The following C20orf173 variants were observed in gnomAD, a reference collection of about 807,000 sequenced individuals.
C20orf173 encodes chromosome 20 open reading frame 173.
Under a neutral mutation model 26.7 loss-of-function variants are expected in C20orf173, and 22 were observed. The ratio of observed to expected loss-of-function variants is 0.82; its 90% CI spans 0.59 to 1.18. C20orf173 has a LOEUF of 1.18. Ranked by LOEUF, C20orf173 falls within the 50% of genes most tolerant of loss-of-function variation. C20orf173 has a pLI of 0.00. For missense variants in C20orf173, 210 were observed against 250.3 expected, an observed-to-expected ratio of 0.84 and a Z score of 1.09; for synonymous variants, 85 against 96.4, an observed-to-expected ratio of 0.88 and a Z score of 0.69.
Position 35,528,899 on chromosome 20 carries a change from G to C in C20orf173, c.310-20C>G. The C allele has an allele frequency of 6.4e-7, 1 of 1,551,346 alleles. No homozygotes were observed. The highest frequency in any genetic ancestry group is 8.7e-7 in the Non-Finnish European group (1 of 1,146,826). ...CATGCCCTGGAAACAGCAAGAGGGA[G>C]ATTGGGGGCTGGGCCCAGGGGAGAG... On this transcript the variant is annotated intron_variant, in intron 2 of 5. Transcript: ENST00000444723.
downstream of C20orf173, chr20:35,526,888 G>A (rs1423687915): frequency 1.3e-5 from 2 of 152,168 alleles, no homozygotes; most frequent in African/African-American, 2.4e-5. Context: ...ATGATCCAGG[G>A]CACTAGGCAA....
At chr20:35,528,361 T>C (rs1486195617) in intron 4 of C20orf173, 77 bp from the exon 5 acceptor site, 7 of 1,548,026 alleles carry the variant, frequency 4.5e-6, no homozygotes, top group African/African-American at 4.1e-5. Flanking sequence ...AGTAAGCCAA[T>C]AGAAGGTCTT....
chr20:35,523,569 T>C (rs1413725507), downstream of C20orf173, among the ~76,000 whole-genome samples: 1 of 152,138 alleles, frequency 6.6e-6, no homozygotes, highest in Middle Eastern at 3.2e-3. Context: ...AGGACACTTT[T>C]TGTGTTCTGT....
At chr20:35,524,949 T>C (rs1455641807), downstream of C20orf173, among the ~76,000 whole-genome samples, 1 of 151,884 alleles carries the variant, frequency 6.6e-6, no homozygotes, top group Non-Finnish European at 1.5e-5. Context: ...TCCACCCACC[T>C]TGGCCTCCCA....
chr20:35,529,120 C>G lies in C20orf173; in HGVS notation c.254G>C (p.Gly85Ala). ...WLDACSRKTMGYLMRTRESMT... is the reference protein window; with the variant it reads ...WLDACSRKTMAYLMRTRESMT... ...AGACTCTCTTGTCCTCATCAGGTACCCCATAGTCTTCCTGGAGCACGCATC... is the reference window on the plus strand; with the variant it reads ...AGACTCTCTTGTCCTCATCAGGTACGCCATAGTCTTCCTGGAGCACGCATC... The change falls in exon 2 of 6, where the codon GGG (glycine) becomes GCG (alanine). Residue 85 changes from glycine (G) to alanine (A), a missense_variant. Gly to Ala is a moderately conservative substitution (Grantham distance 60). Coordinates refer to ENST00000444723, the MANE Select transcript of C20orf173 (RefSeq NM_001145350.2). 1.9e-6 allele frequency: 3 copies of G among 1,551,658 alleles called. No homozygotes were observed. The South Asian group carries it at 3.6e-5, about 18-fold the overall frequency.
At chr20:35,525,919 T>C (rs919661336), downstream of C20orf173, among the ~76,000 whole-genome samples, 1 of 152,210 alleles carries the variant, frequency 6.6e-6, no homozygotes, top group Non-Finnish European at 1.5e-5. Flanking sequence ...GCAGTCCTCC[T>C]GCCTCAGCCT....
intron 5 of C20orf173, among the ~76,000 whole-genome samples, chr20:35,527,495 A>C (rs1455836535): frequency 6.6e-6 from 1 of 152,206 alleles, no homozygotes; most frequent in Admixed American, 6.5e-5. Flanking sequence ...ACGTAAGAGA[A>C]GGGCATTCCA....
Position 35,529,267 on chromosome 20 carries a change from C to T in C20orf173, c.107G>A (p.Arg36Gln), listed in dbSNP as rs749188421. The stretch of plus-strand genomic sequence containing the variant: ...GCAATGCTGTGGTACCAAGTACATT[C>T]GTTTTTCCTGGGGTGCTGATTCAGG... ...LTPESAPQEK[R>Q]MYLVPQHCDC... Residue 36 changes from arginine (R) to glutamine (Q), a missense_variant, in exon 2 of 6, where the codon CGA (arginine) becomes CAA (glutamine). Arg to Gln is a conservative substitution (Grantham distance 43). Coordinates refer to ENST00000444723, the MANE Select transcript of C20orf173 (RefSeq NM_001145350.2). The T allele has an allele frequency of 2.4e-5, 38 of 1,551,548 alleles. No homozygotes were observed. In the Admixed American group the frequency reaches 3.5e-4, roughly 14 times the overall value.
Position 35,529,609 on chromosome 20 carries a change from A to G in C20orf173, c.-102T>C. 1.8e-6 allele frequency: 1 copy of G among 554,280 alleles called. No homozygotes were observed. The allele number at this position is 554,280 out of a possible 1,614,324, so 34.3% of individuals were successfully genotyped here. On this transcript the variant is annotated 5_prime_UTR_variant, in exon 1 of 6. Transcript: ENST00000444723. ...TGGGGTGGAAGAGGCCAGGGCAGAGAGACAGCATGTGGCTAGTCCTGAGAG... is the reference window on the plus strand; with the variant it reads ...TGGGGTGGAAGAGGCCAGGGCAGAGGGACAGCATGTGGCTAGTCCTGAGAG...
downstream of C20orf173, among the ~76,000 whole-genome samples, chr20:35,521,338 A>G (rs937910951): frequency 6.6e-6 from 1 of 152,130 alleles, no homozygotes; most frequent in African/African-American, 2.4e-5. Flanking sequence ...TAGTGACCCC[A>G]GAGCCCAGAA....
chr20:35,524,803 A>G (rs933725035), downstream of C20orf173, among the ~76,000 whole-genome samples: 2 of 151,864 alleles, frequency 1.3e-5, no homozygotes, highest in Non-Finnish European at 2.9e-5. Context: ...GGTTCAAGCA[A>G]TTCTCCTGTC....
chr20:35,528,088 C>T, intron 5 of C20orf173, 145 bp downstream of exon 5: 1 of 691,692 alleles, frequency 1.4e-6, no homozygotes, highest in Admixed American at 2.3e-5. Flanking sequence ...AGAACAAAGC[C>T]TTGGGCCCCA....
downstream of C20orf173, among the ~76,000 whole-genome samples, chr20:35,525,777 G>A (rs1206237680): frequency 6.6e-6 from 1 of 152,204 alleles, no homozygotes; most frequent in Non-Finnish European, 1.5e-5. Flanking sequence ...ACTGCTTCTT[G>A]TGGACAGGGC....
At chr20:35,528,982 G>A (rs1461494363) in intron 2 of C20orf173, 83 bp downstream of exon 2, 3 of 1,535,346 alleles carry the variant, frequency 2.0e-6, no homozygotes, top group Non-Finnish European at 2.6e-6. Flanking sequence ...AGGGCCAAGG[G>A]CAGGGATTTG....
chr20:35,521,445 G>C (rs11167267), downstream of C20orf173, among the ~76,000 whole-genome samples: 1 of 151,728 alleles, frequency 6.6e-6, no homozygotes, highest in Non-Finnish European at 1.5e-5. Context: ...AGGGAGCAAG[G>C]TGTGAGAAGG....
chr20:35,521,491 A>G (rs993360330), downstream of C20orf173, among the ~76,000 whole-genome samples: 4 of 152,108 alleles, frequency 2.6e-5, no homozygotes, highest in African/African-American at 9.7e-5. Context: ...AACCCCAAGA[A>G]GTCCAGTGCG....
downstream of C20orf173, among the ~76,000 whole-genome samples, chr20:35,521,796 C>T (rs1372573546): frequency 6.6e-6 from 1 of 151,974 alleles, no homozygotes; most frequent in Non-Finnish European, 1.5e-5. Flanking sequence ...TTAGTAGAGA[C>T]GGCGTTTCTC....
chr20:35,529,629 T>C lies in C20orf173; in HGVS notation c.-122A>G. The C allele has an allele frequency of 2.0e-6, 1 of 510,888 alleles. No homozygotes were observed. The highest frequency in any genetic ancestry group is 3.5e-6 in the Non-Finnish European group (1 of 284,282). The allele number at this position is 510,888 out of a possible 1,614,324, so 31.6% of individuals were successfully genotyped here. ...CAGAGAGACAGCATGTGGCTAGTCC[T>C]GAGAGGGGAAGGAATACCTCAGTGG... is the stretch of plus-strand genomic sequence containing the variant. On this transcript the variant is annotated 5_prime_UTR_variant, in exon 1 of 6. Transcript: ENST00000444723.
chr20:35,523,690 C>T (rs2064487702), downstream of C20orf173, among the ~76,000 whole-genome samples: 8 of 152,368 alleles, frequency 5.3e-5, no homozygotes, highest in South Asian at 1.7e-3. Flanking sequence ...GCCCCTCCTT[C>T]ACCTTGGCAT....
Sources: gnomAD v4.1 joint callset for allele counts (sites outside exome capture counted in the v4.1 genomes callset) on GRCh38, gnomAD v4.1.1 for gene constraint, MANE v1.5 for transcripts, NCBI Gene and HGNC (gene_info 2026-07-23, HGNC 2026-07-21) for gene names.